Variants in ADARB1 observed in about 807,000 individuals in gnomAD.
ADARB1 encodes adenosine deaminase RNA specific B1, also known as double-stranded RNA-specific editase 1.
A neutral mutation model predicts 52.4 loss-of-function variants in ADARB1; 10 were observed. The observed-to-expected ratio is 0.19, with a 90% confidence interval of 0.12 to 0.32. The LOEUF is 0.32. ADARB1 is among the 10% of genes least tolerant of loss of function. The pLI is 1.00. For synonymous variants in ADARB1, 349 were observed against 371.1 expected (o/e 0.94, Z 0.68); for missense variants, 643 against 922.3 (o/e 0.70, Z 3.92).
rs2092943824 is a variant in ADARB1, at chr21:45,220,491, G to A, written c.1748-345G>A. ...ACCCATCCACTCTCAGGCTGCCAAG[G>A]TTCCTGGCTCCGTCAGTGCCAGAGT... is the stretch of plus-strand genomic sequence containing the variant. On this transcript the variant is annotated intron_variant, in intron 9 of 10. Transcript: ENST00000348831. The surrounding 1 kb of genome is among the most constrained non-coding windows in gnomAD (Gnocchi z 6.3). Among the ~76,000 whole-genome samples the A allele has an allele frequency of 6.6e-6, 1 of 152,136 alleles. No individual in the cohort carries two copies. The highest frequency in any genetic ancestry group is 1.9e-4 in the East Asian group (1 of 5,196).
intron 8 of ADARB1, among the ~76,000 whole-genome samples, chr21:45,201,224 G>T (rs913276344): frequency 6.6e-6 from 1 of 152,182 alleles, no homozygotes; most frequent in Non-Finnish European, 1.5e-5. Flanking sequence ...ACACCCTCTC[G>T]CTGGCGCTAG....
Position 45,224,740 on chromosome 21 carries a change from G to T in ADARB1, c.*2543G>T. ...GGGAGCCCTGGGCGGGGCGGCTGTG[G>T]GGAGGAAGGTGACGTGCAGGGGACC... On this transcript the variant is annotated 3_prime_UTR_variant, in exon 11 of 11. Coordinates refer to ENST00000348831, the MANE Select transcript of ADARB1 (RefSeq NM_001112.4). 1 of 993,946 alleles carries T rather than the reference G, an allele frequency of 1.0e-6. No individual in the cohort carries two copies. Among genetic ancestry groups the T allele is most frequent in the Non-Finnish European group, 1.2e-6 (1 of 835,836 alleles). 61.6% of individuals were successfully genotyped at this position (993,946 alleles called of 1,614,324 possible).
intron 3 of ADARB1, among the ~76,000 whole-genome samples, chr21:45,174,960 T>G (rs1211496611): frequency 6.6e-6 from 1 of 152,184 alleles, no homozygotes; most frequent in Non-Finnish European, 1.5e-5. Flanking sequence ...GTTTTGTGTC[T>G]TGTTCTTACA....
intron 8 of ADARB1, among the ~76,000 whole-genome samples, chr21:45,202,429 C>T (rs1432391735): frequency 6.6e-6 from 1 of 152,150 alleles, no homozygotes; most frequent in Non-Finnish European, 1.5e-5. Flanking sequence ...CTGCCTACCC[C>T]ACTTGCCAGC....
At chr21:45,218,689 G>A (rs1420313141) in intron 9 of ADARB1, among the ~76,000 whole-genome samples, 1 of 152,156 alleles carries the variant, frequency 6.6e-6, no homozygotes, top group Non-Finnish European at 1.5e-5. Context: ...TGTCATCTGG[G>A]TTTTGATATC....
At chr21:45,163,325 G>A (rs2091077710) in intron 2 of ADARB1, among the ~76,000 whole-genome samples, 1 of 152,244 alleles carries the variant, frequency 6.6e-6, no homozygotes, top group South Asian at 2.1e-4. Context: ...TTCCCTGGCT[G>A]TGATTAGTTG....
chr21:45,216,353 G>A (rs1381957717), intron 9 of ADARB1, among the ~76,000 whole-genome samples: 2 of 151,794 alleles, frequency 1.3e-5, no homozygotes, highest in Non-Finnish European at 1.5e-5. Flanking sequence ...CTTACCTGGT[G>A]TTTCAATTGC....
chr21:45,221,116 C>T lies in ADARB1; in HGVS notation c.1926+102C>T. The T allele has an allele frequency of 7.6e-7, 1 of 1,311,238 alleles. No homozygotes were observed. The highest frequency in any genetic ancestry group is 1.5e-5 in the South Asian group (1 of 68,510). The allele number at this position is 1,311,238 out of a possible 1,614,324, so 81.2% of individuals were successfully genotyped here. On this transcript the variant is annotated intron_variant, in intron 10 of 10. Transcript: ENST00000348831. This position sits in a 1 kb window ranked among gnomAD's most constrained non-coding sequence, Gnocchi z 4.9. ...TAAGTTGTTTCATCATGTCATCATG[C>T]ACAGCTTCCGAAAACGATCACTTGG...
chr21:45,194,978 T>A (rs956434786), intron 8 of ADARB1, among the ~76,000 whole-genome samples: 14 of 152,294 alleles, frequency 9.2e-5, no homozygotes, highest in Admixed American at 3.9e-4. Flanking sequence ...ATGTTGAGTT[T>A]TGTCAGAAAC....
At chr21:45,085,148 C>T (rs952157912) in intron 1 of ADARB1, among the ~76,000 whole-genome samples, 1 of 152,204 alleles carries the variant, frequency 6.6e-6, no homozygotes, top group South Asian at 2.1e-4. Context: ...ATAGTTTCCA[C>T]TAGGGACCTG....
chr21:45,139,803 T>C (rs193122264), intron 2 of ADARB1, among the ~76,000 whole-genome samples: 254 of 152,342 alleles, frequency 1.7e-3, no homozygotes, highest in African/African-American at 6.0e-3. Flanking sequence ...TCATTCTTCT[T>C]GAAATATGTG....
chr21:45,175,946 C>T lies in ADARB1; in HGVS notation c.245C>T (p.Ala82Val). 6.2e-7 allele frequency: 1 copy of T among 1,611,076 alleles called. No individual in the cohort carries two copies. Among genetic ancestry groups the T allele is most frequent in the Non-Finnish European group, 8.5e-7 (1 of 1,178,648 alleles). ...CCAGGGCCCGTCCTCCCCAAGAACG[C>T]CCTGATGCAGCTGAATGAGATCAAG... ...KTPGPVLPKN[A>V]LMQLNEIKPG... is the part of the protein sequence containing the mutation. The change falls in exon 4 of 11, where the codon GCC becomes GTC. Residue 82 changes from alanine (A) to valine (V), a missense_variant. By Grantham distance (64) the Ala-to-Val change is moderately conservative. Coordinates refer to ENST00000348831, the MANE Select transcript of ADARB1 (RefSeq NM_001112.4).
At chr21:45,145,511 C>T (rs760387929) in intron 2 of ADARB1, 5 of 152,242 alleles carry the variant, frequency 3.3e-5, no homozygotes, top group Admixed American at 6.5e-5. Context: ...TGGGTAGAGC[C>T]GACCACCTGC....
At position 45,224,501 on chromosome 21, in the gene ADARB1, C is replaced by CGGGG. The variant is rs2093022698; in HGVS notation, c.*2304_*2305insGGGG. ...TGGGTTCTGGGAGCCCTGGGTGGGG[C>CGGGG]AGCTGTGGGGAGGAACTGGGTTCGG... On this transcript the variant is annotated 3_prime_UTR_variant, in exon 11 of 11. Coordinates refer to ENST00000348831, the MANE Select transcript of ADARB1 (RefSeq NM_001112.4). The CGGGG allele has an allele frequency of 3.3e-6, 1 of 302,122 alleles. No individual in the cohort carries two copies. Among genetic ancestry groups the CGGGG allele is most frequent in the Admixed American group, 2.0e-3 (1 of 496 alleles). 18.7% of individuals were successfully genotyped at this position (302,122 alleles called of 1,614,324 possible). A position where few individuals can be genotyped will look rare whatever the true frequency, so the allele number is the denominator to read the frequency against.
chr21:45,220,869 A>G lies in ADARB1; in HGVS notation c.1781A>G (p.Lys594Arg). 6.2e-7 allele frequency: 1 copy of G among 1,613,446 alleles called. No individual in the cohort carries two copies. The highest frequency in any genetic ancestry group is 8.5e-7 in the Non-Finnish European group (1 of 1,179,930). The change falls in exon 10 of 11, where the codon AAG (lysine) becomes AGG (arginine). Residue 594 changes from lysine to arginine, a missense_variant. Lys to Arg is a conservative substitution (Grantham distance 26). Transcript: ENST00000348831. The surrounding 1 kb of genome is among the most constrained non-coding windows in gnomAD (Gnocchi z 6.3). ...AATGCAGAAGCACGGCAGCCAGGGA[A>G]GGCCCCCAACTTCAGTGTCAACTGG... is the stretch of plus-strand genomic sequence containing the variant. ...ISNAEARQPGKAPNFSVNWTV... is the reference protein window; with the variant it reads ...ISNAEARQPGRAPNFSVNWTV...
Position 45,204,457 on chromosome 21 carries a change from G to T in ADARB1, c.1566-98G>T, listed in dbSNP as rs1569164447. 12 of 1,198,950 alleles carry T rather than the reference G, an allele frequency of 1.0e-5. No homozygotes were observed. The highest frequency in any genetic ancestry group is 2.1e-5 in the Admixed American group (1 of 48,326). 74.3% of individuals were successfully genotyped at this position (1,198,950 alleles called of 1,614,324 possible). ...TTCGTCAGTTGGTTGGGATCCTGCG[G>T]AATTGCCAGTGCATCCCTGTAACCA... On this transcript the variant is annotated intron_variant, in intron 8 of 10. Transcript: ENST00000348831. This position sits in a 1 kb window ranked among gnomAD's most constrained non-coding sequence, Gnocchi z 4.4.
chr21:45,205,788 T>C (rs1017282252), intron 9 of ADARB1, among the ~76,000 whole-genome samples: 1 of 152,224 alleles, frequency 6.6e-6, no homozygotes, highest in African/African-American at 2.4e-5. Flanking sequence ...ATTTCACTAC[T>C]TTTTTAAAAG....
chr21:45,178,235 G>A (rs561134623), intron 4 of ADARB1, among the ~76,000 whole-genome samples: 22 of 152,366 alleles, frequency 1.4e-4, no homozygotes, highest in African/African-American at 4.1e-4. Context: ...TTGGCTGTGC[G>A]CCTGCAGTGA....
At chr21:45,083,268 G>A (rs992921365) in intron 1 of ADARB1, among the ~76,000 whole-genome samples, 3 of 152,116 alleles carry the variant, frequency 2.0e-5, no homozygotes, top group Non-Finnish European at 4.4e-5. Flanking sequence ...AAGTTTATCT[G>A]CTTCTGAAAA....
Sources: allele counts gnomAD v4.1 joint callset (sites outside exome capture counted in the v4.1 genomes callset), GRCh38; gene constraint gnomAD v4.1.1; non-coding constraint Gnocchi (gnomAD v3.1); transcripts MANE v1.5; gene names NCBI Gene and HGNC (gene_info 2026-07-23, HGNC 2026-07-21).